SLC22A3: variants seen among roughly 807,000 people sequenced by gnomAD.
The protein encoded by SLC22A3 is solute carrier family 22 member 3.
SLC22A3 carries 51 observed loss-of-function variants against 59.1 expected under a neutral mutation model. The observed-to-expected ratio is 0.86, with a 90% confidence interval of 0.69 to 1.09. The LOEUF (loss-of-function observed/expected upper bound fraction) is 1.09. SLC22A3 is among the 50% of genes least tolerant of loss of function. The pLI is 0.00. For synonymous variants in SLC22A3, 325 were observed against 292.0 expected, an observed-to-expected ratio of 1.11 and a Z score of -1.15; for missense variants, 711 against 726.3, an observed-to-expected ratio of 0.98 and a Z score of 0.24.
intron 7 of SLC22A3, 107 bp from the exon 8 acceptor site, chr6:160,442,653 CA>C (rs913658574): frequency 6.1e-6 from 5 of 813,686 alleles, no homozygotes; most frequent in African/African-American, 5.1e-5. Context: ...TTAAAATTGG[CA>C]AAGACTTCAG....
At chr6:160,435,478 C>A (rs1172360074) in intron 5 of SLC22A3, among the ~76,000 whole-genome samples, 1 of 152,058 alleles carries the variant, frequency 6.6e-6, no homozygotes, top group Non-Finnish European at 1.5e-5. Context: ...AGAAAGTGAC[C>A]AAAGGCATTC....
At chr6:160,368,798 G>C (rs1785295822) in intron 1 of SLC22A3, among the ~76,000 whole-genome samples, 1 of 152,208 alleles carries the variant, frequency 6.6e-6, no homozygotes, top group Non-Finnish European at 1.5e-5. Flanking sequence ...GACCCCTGTG[G>C]CTGGCGCAGG....
At chr6:160,434,241 A>C (rs1418379192) in intron 5 of SLC22A3, among the ~76,000 whole-genome samples, 2 of 152,242 alleles carry the variant, frequency 1.3e-5, no homozygotes, top group Non-Finnish European at 2.9e-5. Context: ...TCATAAAACA[A>C]TGTTTTAATT....
chr6:160,353,825 G>A (rs1357092249), intron 1 of SLC22A3, among the ~76,000 whole-genome samples: 1 of 152,034 alleles, frequency 6.6e-6, no homozygotes, highest in Non-Finnish European at 1.5e-5. Context: ...GTTTCTTAAT[G>A]AGGAGCATGA....
intron 9 of SLC22A3, among the ~76,000 whole-genome samples, chr6:160,444,768 AT>A (rs1188477513): frequency 2.0e-5 from 3 of 152,294 alleles, no homozygotes; most frequent in African/African-American, 7.2e-5. Context: ...AATGTTTTTC[AT>A]TTATGGTTCA....
chr6:160,411,867 T>A (rs1317165145), intron 5 of SLC22A3, among the ~76,000 whole-genome samples: 4 of 152,308 alleles, frequency 2.6e-5, no homozygotes, highest in Non-Finnish European at 5.9e-5. Context: ...GAGAATAGCA[T>A]ATAAAGAAAA....
rs1251794526 is a variant in SLC22A3, at chr6:160,410,746, C to T, written c.875C>T (p.Pro292Leu). The T allele has an allele frequency of 6.2e-7, 1 of 1,612,748 alleles. No individual in the cohort carries two copies. Among genetic ancestry groups the T allele is most frequent in the South Asian group, 1.1e-5 (1 of 91,054 alleles). ...LLYYWVVPES[P>L]RWLITRKKGD... ...TTTGCCAGGGTGGTCCCTGAGTCTC[C>T]CCGTTGGCTGATTACTCGGAAGAAA... The change falls in exon 5 of 11, where the codon CCC becomes CTC. Residue 292 changes from proline to leucine, a missense_variant. Physicochemically the swap from Pro to Leu is moderately conservative, Grantham distance 98. Coordinates refer to ENST00000275300, the MANE Select transcript of SLC22A3 (RefSeq NM_021977.4).
chr6:160,371,555 G>A (rs1243312217), intron 1 of SLC22A3, among the ~76,000 whole-genome samples: 1 of 152,150 alleles, frequency 6.6e-6, no homozygotes, highest in Non-Finnish European at 1.5e-5. Flanking sequence ...GTGTATATGT[G>A]CCACATTTTC....
intron 5 of SLC22A3, 118 bp downstream of exon 5, chr6:160,410,964 AT>A (rs1368265977): frequency 2.7e-5 from 15 of 549,752 alleles, no homozygotes; most frequent in Non-Finnish European, 1.3e-5. Context: ...TATTATATAT[AT>A]ATATGTATGT....
In SLC22A3 at chr6:160,427,182, G is replaced by A. The variant is rs921430480; in HGVS notation, c.976-9598G>A. On this transcript the variant is annotated intron_variant, in intron 5 of 10. Coordinates refer to ENST00000275300, the MANE Select transcript of SLC22A3 (RefSeq NM_021977.4). ...GACCCGAGCTGATGGGGAAGGTTGA[G>A]GGCAACGCAGAGACCCCACTGCCGA... Among the ~76,000 whole-genome samples the A allele has an allele frequency of 2.0e-5, 3 of 152,286 alleles. No homozygotes were observed. The East Asian group carries it at 5.8e-4, about 29-fold the overall frequency.
At position 160,442,787 on chromosome 6, in the gene SLC22A3, G is replaced by A; in HGVS notation, c.1315G>A (p.Ala439Thr). The A allele has an allele frequency of 6.2e-7, 1 of 1,613,966 alleles. No individual in the cohort carries two copies. Among genetic ancestry groups the A allele is most frequent in the Non-Finnish European group, 8.5e-7 (1 of 1,179,874 alleles). Residue 439 changes from alanine (A) to threonine (T), a missense_variant, in exon 8 of 11, where the codon GCT (alanine) becomes ACT (threonine). Physicochemically the swap from Ala to Thr is moderately conservative, Grantham distance 58 (BLOSUM62 0). Coordinates refer to ENST00000275300, the MANE Select transcript of SLC22A3 (RefSeq NM_021977.4). Reference protein sequence around the residue: ...EGIAWLRTTVATLGRLGITMA... With the variant: ...EGIAWLRTTVTTLGRLGITMA... ...AATAGCATGGTTGAGGACCACAGTG[G>A]CTACATTGGGAAGACTAGGGATAAC...
chr6:160,363,652 C>T (rs1227284288), intron 1 of SLC22A3, among the ~76,000 whole-genome samples: 1 of 152,148 alleles, frequency 6.6e-6, no homozygotes, highest in Non-Finnish European at 1.5e-5. Flanking sequence ...TCCTAATCCT[C>T]CCAGGCCACA....
At chr6:160,421,446 A>G (rs1340336501) in intron 5 of SLC22A3, among the ~76,000 whole-genome samples, 1 of 152,204 alleles carries the variant, frequency 6.6e-6, no homozygotes, top group Non-Finnish European at 1.5e-5. Flanking sequence ...TTAGTTATGA[A>G]TCTAAATGCG....
chr6:160,445,890 G>C (rs1788720325), intron 9 of SLC22A3, among the ~76,000 whole-genome samples: 1 of 152,234 alleles, frequency 6.6e-6, no homozygotes, highest in Admixed American at 6.5e-5. Flanking sequence ...ATAGAAACCA[G>C]CAGGCTCAAC....
At chr6:160,439,541 G>A (rs1227597219) in intron 7 of SLC22A3, among the ~76,000 whole-genome samples, 1 of 151,506 alleles carries the variant, frequency 6.6e-6, no homozygotes, top group Non-Finnish European at 1.5e-5. Context: ...TCCAAATCAA[G>A]ACAGAAGTAA....
chr6:160,348,986 C>G (rs41267799), intron 1 of SLC22A3, 138 bp downstream of exon 1: 71 of 1,507,808 alleles, frequency 4.7e-5, no homozygotes, highest in Non-Finnish European at 5.7e-5. Flanking sequence ...TGGGGACAGA[C>G]AGGATTCAGC....
intron 1 of SLC22A3, among the ~76,000 whole-genome samples, chr6:160,359,482 T>C (rs1037533632): frequency 6.6e-6 from 1 of 152,202 alleles, no homozygotes; most frequent in Non-Finnish European, 1.5e-5. Context: ...ACAGAGTACA[T>C]TTAATAATCA....
intron 2 of SLC22A3, among the ~76,000 whole-genome samples, chr6:160,399,504 T>C (rs1359851574): frequency 1.3e-5 from 2 of 152,108 alleles, no homozygotes; most frequent in African/African-American, 4.8e-5. Flanking sequence ...TTCTCATAAG[T>C]GATTGAGCAT....
intron 1 of SLC22A3, among the ~76,000 whole-genome samples, chr6:160,360,959 AG>A (rs1426195761): frequency 1.3e-5 from 2 of 152,236 alleles, no homozygotes; most frequent in Non-Finnish European, 2.9e-5. Flanking sequence ...TTCTAAAAGA[AG>A]GGGTAGGGAG....
Sources: allele counts gnomAD v4.1 joint callset (sites outside exome capture counted in the v4.1 genomes callset), GRCh38; gene constraint gnomAD v4.1.1; transcripts MANE v1.5; gene names NCBI Gene and HGNC (gene_info 2026-07-23, HGNC 2026-07-21).